The following GRIP1 variants were observed in gnomAD, a reference collection of about 807,000 sequenced individuals.
The protein encoded by GRIP1 is glutamate receptor interacting protein 1.
Under a neutral mutation model 129.9 loss-of-function variants are expected in GRIP1, and 45 were observed. The observed-to-expected ratio is 0.35, with a 90% CI of 0.27 to 0.44. The LOEUF (loss-of-function observed/expected upper bound fraction) is 0.44, where lower values mean the gene tolerates loss of function less well. Ranked by LOEUF, GRIP1 falls within the 20% of genes least tolerant of loss-of-function variation. The probability of loss-of-function intolerance (pLI) is 1.00; values close to 1 mark genes in which losing one functional copy is unlikely to be tolerated. For missense variants in GRIP1, 1,196 were observed against 1,396.8 expected (o/e 0.86, Z 2.29); for synonymous variants, 530 against 520.8 (o/e 1.02, Z -0.24).
At chr12:66,807,342 C>G (rs922659546), upstream of GRIP1, among the ~76,000 whole-genome samples, 9 of 151,996 alleles carry the variant, frequency 5.9e-5, no homozygotes, top group Admixed American at 5.9e-4. Context: ...ATTCTCTCAG[C>G]AGTGAGTGAG....
chr12:66,425,163 T>C (rs1290953070), intron 14 of GRIP1, among the ~76,000 whole-genome samples: 1 of 152,204 alleles, frequency 6.6e-6, no homozygotes, highest in Non-Finnish European at 1.5e-5. Flanking sequence ...AATTCTAGGC[T>C]GGCAATCCTT....
At chr12:66,678,472 A>G (rs2034441042) in intron 1 of GRIP1, among the ~76,000 whole-genome samples, 1 of 152,182 alleles carries the variant, frequency 6.6e-6, no homozygotes, top group African/African-American at 2.4e-5. Flanking sequence ...AGCTGCATTT[A>G]GTATATGTAT....
At position 66,377,169 on chromosome 12, in the gene GRIP1, G is replaced by T. The variant is rs780543419; in HGVS notation, c.2733+5C>A. 1.9e-6 allele frequency: 3 copies of T among 1,595,196 alleles called. No individual in the cohort carries two copies. Among genetic ancestry groups the T allele is most frequent in the Admixed American group, 3.3e-5 (2 of 59,992 alleles). ...AATAAAAGTAAGTAGCAGGACCAAG[G>T]CTACCTCCAGTTCTCTCAGAATTCC... On this transcript the variant is annotated splice_donor_5th_base_variant and intron_variant, in intron 21 of 24. Coordinates refer to ENST00000359742, the MANE Select transcript of GRIP1 (RefSeq NM_001366722.1).
rs181498326 is a variant in GRIP1, at chr12:66,841,215, T to C, written c.58+227835A>G. Among the ~76,000 whole-genome samples the C allele has an allele frequency of 1.3e-4, 20 of 152,294 alleles. 1 individual carries two copies. The highest frequency in any genetic ancestry group is 4.6e-4 in the African/African-American group (19 of 41,578). Reference sequence around the variant, plus strand: ...GAAAATCTGAGTGACTGGCATAATGTAGACCCTTCCCATGTGTTTGTTTCC... The same window carrying C: ...GAAAATCTGAGTGACTGGCATAATGCAGACCCTTCCCATGTGTTTGTTTCC... On this transcript the variant is annotated intron_variant, in intron 1 of 1. Transcript: ENST00000643019.
chr12:66,805,426 C>T (rs1056735186), upstream of GRIP1, among the ~76,000 whole-genome samples: 14 of 151,876 alleles, frequency 9.2e-5, no homozygotes, highest in African/African-American at 2.4e-4. Flanking sequence ...GGTCTTTAAG[C>T]GAAAGAGAAC....
chr12:66,526,136 AC>A, intron 5 of GRIP1, among the ~76,000 whole-genome samples: 1 of 150,866 alleles, frequency 6.6e-6, no homozygotes, highest in East Asian at 1.9e-4. Context: ...GCCATCCCCA[AC>A]AAGCTACCAA....
rs1414745129 is a variant in GRIP1 at position 66,539,239 on chromosome 12, T to A, written c.273-16A>T. 1 of 1,614,004 alleles carries A rather than the reference T, an allele frequency of 6.2e-7. No homozygotes were observed. Among genetic ancestry groups the A allele is most frequent in the Non-Finnish European group, 8.5e-7 (1 of 1,179,922 alleles). ...CTGGTCACTTCTGCAAAATAGACAA[T>A]GTTGTTTCAACAGACCCACCCTCTC... is the stretch of plus-strand genomic sequence containing the variant. On this transcript the variant is annotated splice_polypyrimidine_tract_variant and intron_variant, in intron 3 of 24. Coordinates refer to ENST00000359742, the MANE Select transcript of GRIP1 (RefSeq NM_001366722.1).
At chr12:66,895,257 G>A (rs148531510) in intron 1 of GRIP1, among the ~76,000 whole-genome samples, 3,944 of 152,212 alleles carry the variant, frequency 0.026, 72 homozygotes, top group Non-Finnish European at 0.039. Flanking sequence ...GAATCAAGGG[G>A]GTGGGTTTTT....
At chr12:66,475,687 C>A (rs1194588702) in intron 7 of GRIP1, among the ~76,000 whole-genome samples, 2 of 152,200 alleles carry the variant, frequency 1.3e-5, no homozygotes, top group Non-Finnish European at 2.9e-5. Context: ...CTCAAAACCA[C>A]TCAACTACAT....
intron 1 of GRIP1, among the ~76,000 whole-genome samples, chr12:67,034,445 C>G (rs960823263): frequency 1.3e-5 from 2 of 152,172 alleles, no homozygotes; most frequent in Admixed American, 6.5e-5. Context: ...CAAACCCATA[C>G]AGCCTGTTAC....
At chr12:67,059,836 A>T (rs1302769874) in intron 1 of GRIP1, among the ~76,000 whole-genome samples, 2 of 152,354 alleles carry the variant, frequency 1.3e-5, no homozygotes, top group African/African-American at 2.4e-5. Flanking sequence ...ATGCCAGTCA[A>T]GAAACTGTTT....
At chr12:66,423,785 T>C (rs2137870292) in intron 14 of GRIP1, among the ~76,000 whole-genome samples, 1 of 152,252 alleles carries the variant, frequency 6.6e-6, no homozygotes, top group Non-Finnish European at 1.5e-5. Context: ...CATATGGGGA[T>C]GGGGAAGGAT....
intron 1 of GRIP1, among the ~76,000 whole-genome samples, chr12:67,015,615 G>A (rs563130381): frequency 2.6e-5 from 4 of 152,232 alleles, no homozygotes; most frequent in Non-Finnish European, 5.9e-5. Context: ...GAGGGAAAAG[G>A]AATGATTCGA....
intron 1 of GRIP1, among the ~76,000 whole-genome samples, chr12:66,720,738 A>T (rs1199093364): frequency 6.6e-6 from 1 of 152,154 alleles, no homozygotes; most frequent in Non-Finnish European, 1.5e-5. Flanking sequence ...CAATTAGGTC[A>T]TATCTTTAGG....
intron 16 of GRIP1, 75 bp downstream of exon 16, chr12:66,406,208 A>G: frequency 1.4e-6 from 2 of 1,425,686 alleles, no homozygotes; most frequent in Non-Finnish European, 2.0e-6. Flanking sequence ...TGTATGTAAA[A>G]CATCAAGATC....
chr12:66,853,360 C>T (rs1055123605), intron 1 of GRIP1, among the ~76,000 whole-genome samples: 2 of 151,812 alleles, frequency 1.3e-5, no homozygotes, highest in Non-Finnish European at 2.9e-5. Flanking sequence ...ATTTCTATAA[C>T]AAATGTAAAA....
chr12:66,649,383 A>G (rs1305318835), intron 1 of GRIP1, among the ~76,000 whole-genome samples: 1 of 152,242 alleles, frequency 6.6e-6, no homozygotes, highest in Non-Finnish European at 1.5e-5. Context: ...AGATAAGCTG[A>G]GTCCCTCAAG....
intron 15 of GRIP1, among the ~76,000 whole-genome samples, chr12:66,414,448 C>T (rs1002457350): frequency 3.9e-5 from 6 of 151,992 alleles, no homozygotes; most frequent in African/African-American, 1.5e-4. Flanking sequence ...TCAGAGAGGA[C>T]ACAAACAAAT....
At chr12:66,462,307 C>G (rs1373915977) in intron 9 of GRIP1, among the ~76,000 whole-genome samples, 1 of 152,164 alleles carries the variant, frequency 6.6e-6, no homozygotes, top group African/African-American at 2.4e-5. Flanking sequence ...TTTGAAGGTT[C>G]TGCTATTAAA....
Sources: allele counts gnomAD v4.1 joint callset (sites outside exome capture counted in the v4.1 genomes callset), GRCh38; gene constraint gnomAD v4.1.1; transcripts MANE v1.5; gene names NCBI Gene and HGNC (gene_info 2026-07-23, HGNC 2026-07-21).